The following C12orf42 variants were observed in gnomAD, a reference collection of about 807,000 sequenced individuals.
C12orf42 encodes chromosome 12 open reading frame 42, also known as uncharacterized protein C12orf42.
Under a neutral mutation model 21.6 loss-of-function variants are expected in C12orf42, and 25 were observed. That is an observed-to-expected ratio of 1.16 (90% CI 0.84 to 1.62). C12orf42 has a LOEUF of 1.62. Among genes scored for constraint, C12orf42 ranks in the 40% most tolerant of loss-of-function variants. The pLI is 0.00. For synonymous variants in C12orf42, 174 were observed against 175.0 expected (o/e 0.99, Z 0.05); for missense variants, 483 against 459.3 (o/e 1.05, Z -0.47).
rs575818364 is a variant in C12orf42, at chr12:103,315,561, G to A, written c.260-9216C>T. Among the ~76,000 whole-genome samples the A allele has an allele frequency of 3.9e-4, 59 of 152,104 alleles. 1 individual carries two copies. Among genetic ancestry groups the A allele is most frequent in the South Asian group, 1.2e-3 (6 of 4,808 alleles). On this transcript the variant is annotated intron_variant, in intron 4 of 5. Coordinates refer to ENST00000548883, the MANE Select transcript of C12orf42 (RefSeq NM_198521.5). ...AAACCCAGAACATACAAGAACTGTG[G>A]GACAATTTTCCAAGGTGCAGCATAT...
intron 2 of C12orf42, among the ~76,000 whole-genome samples, chr12:103,427,295 GAAA>G (rs71097975): frequency 8.3e-6 from 1 of 120,626 alleles, no homozygotes; most frequent in Non-Finnish European, 1.7e-5. Flanking sequence ...AAAAAAAAAA[GAAA>G]AAAAAAAAAA....
At chr12:103,076,171 G>C in the C12orf42 span, among the ~76,000 whole-genome samples, 1 of 151,838 alleles carries the variant, frequency 6.6e-6, no homozygotes, top group Non-Finnish European at 1.5e-5. Context: ...ACCATGGCAT[G>C]TGTATACCTA....
intron 2 of C12orf42, among the ~76,000 whole-genome samples, chr12:103,455,421 G>A (rs538896073): frequency 1.2e-4 from 19 of 152,244 alleles, no homozygotes; most frequent in African/African-American, 3.9e-4. Context: ...AAGTTTTAAT[G>A]GGGCTGAAAA....
the C12orf42 span, among the ~76,000 whole-genome samples, chr12:103,529,255 C>T: frequency 6.6e-6 from 1 of 152,120 alleles, no homozygotes; most frequent in African/African-American, 2.4e-5. Context: ...CTCTCTTTAC[C>T]GTTATTAATA....
At chr12:103,088,988 G>A in the C12orf42 span, among the ~76,000 whole-genome samples, 1 of 151,108 alleles carries the variant, frequency 6.6e-6, no homozygotes, top group African/African-American at 2.4e-5. Context: ...TGTAGTCCCA[G>A]CTACTCGGGA....
chr12:103,270,378 A>AAGGG (rs558371882), intron 5 of C12orf42: 34 of 140,058 alleles, frequency 2.4e-4, no homozygotes, highest in Middle Eastern at 3.6e-3. Flanking sequence ...GGAAGGAAGG[A>AAGGG]AGGGAGGGAG....
At chr12:103,225,515 T>C in the C12orf42 span, among the ~76,000 whole-genome samples, 1 of 151,862 alleles carries the variant, frequency 6.6e-6, no homozygotes, top group Non-Finnish European at 1.5e-5. Context: ...GTATCTTATA[T>C]TTGTGGGTTA....
At chr12:103,073,331 G>T in the C12orf42 span, among the ~76,000 whole-genome samples, 1 of 152,034 alleles carries the variant, frequency 6.6e-6, no homozygotes, top group Non-Finnish European at 1.5e-5. Flanking sequence ...ATTTAAAATA[G>T]AAGTTTACAA....
the C12orf42 span, among the ~76,000 whole-genome samples, chr12:103,175,399 T>C: frequency 6.6e-6 from 1 of 152,146 alleles, no homozygotes; most frequent in Non-Finnish European, 1.5e-5. Flanking sequence ...TAAACCACAA[T>C]GAAAGGACAG....
intron 10 of C12orf42, among the ~76,000 whole-genome samples, chr12:103,260,622 GC>G (rs2034847572): frequency 6.6e-6 from 1 of 152,160 alleles, no homozygotes; most frequent in African/African-American, 2.4e-5. Context: ...AACCACAAGA[GC>G]CCAAGTTAAA....
intron 4 of C12orf42, among the ~76,000 whole-genome samples, chr12:103,287,509 AAC>A (rs1566020290): frequency 2.0e-5 from 3 of 151,984 alleles, no homozygotes; most frequent in Non-Finnish European, 1.5e-5. Context: ...GAACAATGAG[AAC>A]ACATGGACAC....
the C12orf42 span, among the ~76,000 whole-genome samples, chr12:103,130,285 G>A: frequency 6.5e-3 from 979 of 151,246 alleles, 17 homozygotes; most frequent in African/African-American, 0.022. Context: ...ATAGCTATAG[G>A]TAGTGAAGTA....
intron 4 of C12orf42, among the ~76,000 whole-genome samples, chr12:103,327,417 C>A (rs2040816214): frequency 1.3e-5 from 2 of 152,090 alleles, no homozygotes; most frequent in Admixed American, 1.3e-4. Flanking sequence ...CAAAAAAAAT[C>A]TAAATAATAG....
intron 4 of C12orf42, among the ~76,000 whole-genome samples, chr12:103,325,768 C>G (rs1171158334): frequency 6.6e-6 from 1 of 152,152 alleles, no homozygotes; most frequent in African/African-American, 2.4e-5. Flanking sequence ...AGCTTGTTTT[C>G]CTCCTCCTTA....
At chr12:103,174,090 A>G in the C12orf42 span, among the ~76,000 whole-genome samples, 3 of 152,332 alleles carry the variant, frequency 2.0e-5, no homozygotes, top group African/African-American at 7.2e-5. Context: ...TACAGTTACC[A>G]TATGTTCAAC....
chr12:103,331,088 A>T (rs1323484789), intron 4 of C12orf42, among the ~76,000 whole-genome samples: 3 of 152,204 alleles, frequency 2.0e-5, no homozygotes, highest in Non-Finnish European at 2.9e-5. Context: ...ATGTGCCAAT[A>T]AACCCAGCAT....
intron 3 of C12orf42, among the ~76,000 whole-genome samples, chr12:103,395,372 G>A (rs572819219): frequency 4.2e-4 from 58 of 139,440 alleles, no homozygotes; most frequent in African/African-American, 1.6e-3. Flanking sequence ...GTCTCACTCT[G>A]TCGCCCAGGC....
the C12orf42 span, among the ~76,000 whole-genome samples, chr12:103,510,064 T>C: frequency 1.3e-5 from 2 of 152,342 alleles, no homozygotes; most frequent in East Asian, 3.9e-4. Flanking sequence ...TGCAGGTTTA[T>C]AGCAGCACAA....
chr12:103,078,914 A>G, the C12orf42 span, among the ~76,000 whole-genome samples: 7 of 152,104 alleles, frequency 4.6e-5, no homozygotes, highest in Non-Finnish European at 7.4e-5. Flanking sequence ...TGCACACTAA[A>G]CCACACCGGT....
Sources: allele counts gnomAD v4.1 joint callset (sites outside exome capture counted in the v4.1 genomes callset), GRCh38; gene constraint gnomAD v4.1.1; transcripts MANE v1.5; gene names NCBI Gene and HGNC (gene_info 2026-07-23, HGNC 2026-07-21).